Variants in ASH1L observed in about 807,000 individuals in gnomAD.
ASH1L encodes the protein histone-lysine N-methyltransferase ASH1L.
ASH1L carries 23 observed loss-of-function variants against 269.0 expected under a neutral mutation model. That is an observed-to-expected ratio of 0.09 (90% CI 0.06 to 0.12). ASH1L has a LOEUF of 0.12. Ranked by LOEUF, ASH1L falls within the 10% of genes least tolerant of loss-of-function variation. The pLI, the probability that ASH1L is intolerant of heterozygous loss-of-function variation, is 1.00. For missense variants in ASH1L, 2,912 were observed against 3,567.8 expected (o/e 0.82, Z 4.68); for synonymous variants, 1,187 against 1,253.5 (o/e 0.95, Z 1.12).
At chr1:155,344,745 A>G (rs1653100416) in intron 21 of ASH1L, among the ~76,000 whole-genome samples, 1 of 152,178 alleles carries the variant, frequency 6.6e-6, no homozygotes, top group Non-Finnish European at 1.5e-5. Flanking sequence ...ACATATAAAG[A>G]TAGCAGAGCC....
chr1:155,530,089 AT>A (rs1464868013), intron 1 of ASH1L, among the ~76,000 whole-genome samples: 1 of 152,134 alleles, frequency 6.6e-6, no homozygotes, highest in African/African-American at 2.4e-5. Context: ...CTTTCCCCAG[AT>A]AATTGCATAT....
Position 155,344,248 on chromosome 1 carries a change from T to C in ASH1L, c.7916A>G (p.His2639Arg). 2 of 1,614,086 alleles carry C rather than the reference T, an allele frequency of 1.2e-6. No homozygotes were observed. The highest frequency in any genetic ancestry group is 1.1e-5 in the South Asian group (1 of 91,078). Residue 2639 changes from histidine (H) to arginine (R), a missense_variant, in exon 22 of 28, where the codon CAC becomes CGC. By Grantham distance (29) the His-to-Arg change is conservative. Around this residue, in one of 13 missense-constraint regions of ASH1L, gnomAD observed 179 missense variants for 293.8 expected, o/e 0.61. Coordinates refer to ENST00000392403, the MANE Select transcript of ASH1L (RefSeq NM_018489.3). ...DREVPMIPRP[H>R]YAQPGCVYFI... ...GTAGACACAGCCAGGTTGGGCATAG[T>C]GGGGCCGAGGGATCATGGGAACCTC...
At chr1:155,345,407 ACTC>A (rs1653189594) in intron 21 of ASH1L, among the ~76,000 whole-genome samples, 1 of 145,482 alleles carries the variant, frequency 6.9e-6, no homozygotes, top group African/African-American at 2.5e-5. Flanking sequence ...CTGGTCTTGA[ACTC>A]CTAACCCCAT....
intron 12 of ASH1L, among the ~76,000 whole-genome samples, chr1:155,360,966 C>T (rs550494927): frequency 3.3e-5 from 5 of 152,090 alleles, no homozygotes; most frequent in South Asian, 4.1e-4. Flanking sequence ...CCAGACCAGG[C>T]GCCGTAGCTC....
chr1:155,439,246 T>G (rs1662351074), intron 4 of ASH1L, among the ~76,000 whole-genome samples, 178 bp from the exon 5 acceptor site: 1 of 152,192 alleles, frequency 6.6e-6, no homozygotes, highest in Non-Finnish European at 1.5e-5. Context: ...AAACCAAAGT[T>G]GGCCTATATT....
At chr1:155,506,203 G>A (rs543170610) in intron 2 of ASH1L, among the ~76,000 whole-genome samples, 1 of 152,180 alleles carries the variant, frequency 6.6e-6, no homozygotes, top group Non-Finnish European at 1.5e-5. Context: ...ATTCCTTGGT[G>A]TATATGTTAA....
chr1:155,378,505 G>A lies in ASH1L; in HGVS notation c.6221C>T (p.Ser2074Leu). ...AAAATAGCTCCTAAGTTACTCACTT[G>A]AACGAATTTTCTTATATAGTGGGAC... The part of the protein sequence containing the change: ...PDVPLYKKIR[S>L]NVYVDVKPLS... Residue 2074 changes from serine (S) to leucine (L), a missense_variant and splice_region_variant, in exon 9 of 28, where the codon TCA becomes TTA. By Grantham distance (145) the Ser-to-Leu change is moderately radical (BLOSUM62 -2). Coordinates refer to ENST00000392403, the MANE Select transcript of ASH1L (RefSeq NM_018489.3). 1 of 1,613,526 alleles carries A rather than the reference G, an allele frequency of 6.2e-7. No individual in the cohort carries two copies. The highest frequency in any genetic ancestry group is 8.5e-7 in the Non-Finnish European group (1 of 1,179,760).
chr1:155,369,977 C>T (rs568464210), intron 12 of ASH1L, among the ~76,000 whole-genome samples: 50 of 152,302 alleles, frequency 3.3e-4, no homozygotes, highest in Non-Finnish European at 6.9e-4. Flanking sequence ...CCATGTTGGT[C>T]AGGCTGGTCT....
intron 15 of ASH1L, among the ~76,000 whole-genome samples, chr1:155,355,111 A>G (rs2148361973): frequency 6.6e-6 from 1 of 152,306 alleles, no homozygotes; most frequent in Admixed American, 6.5e-5. Flanking sequence ...GCTGGAGTAC[A>G]GTGGCATGAT....
chr1:155,346,607 T>TCTGATC, intron 20 of ASH1L, 138 bp from the exon 21 acceptor site: 1 of 692,762 alleles, frequency 1.4e-6, no homozygotes, highest in Non-Finnish European at 2.5e-6. Context: ...GAATGATAAA[T>TCTGATC]TAGAGATAAA....
At chr1:155,526,504 A>G (rs551936980) in intron 1 of ASH1L, among the ~76,000 whole-genome samples, 1 of 152,278 alleles carries the variant, frequency 6.6e-6, no homozygotes, top group South Asian at 2.1e-4. Context: ...CAATGATCTC[A>G]TTTTATATTC....
chr1:155,394,072 T>C (rs1055894527), intron 7 of ASH1L, among the ~76,000 whole-genome samples: 12 of 152,084 alleles, frequency 7.9e-5, no homozygotes, highest in Admixed American at 5.2e-4. Flanking sequence ...ATCAGGAAAA[T>C]TATTTTAAAG....
chr1:155,498,720 C>T (rs1667314473), intron 2 of ASH1L, among the ~76,000 whole-genome samples: 3 of 151,994 alleles, frequency 2.0e-5, no homozygotes, highest in African/African-American at 7.2e-5. Context: ...GGATTACAGG[C>T]ATAAGCCACT....
intron 12 of ASH1L, among the ~76,000 whole-genome samples, chr1:155,365,020 T>C (rs1332695728): frequency 6.6e-6 from 1 of 152,138 alleles, no homozygotes; most frequent in East Asian, 1.9e-4. Flanking sequence ...CTTTATTCTA[T>C]GGACTCACCT....
intron 5 of ASH1L, among the ~76,000 whole-genome samples, chr1:155,418,808 G>C (rs546231937): frequency 6.6e-6 from 1 of 152,154 alleles, no homozygotes; most frequent in East Asian, 1.9e-4. Flanking sequence ...AGTGGCTCAC[G>C]CCTGTAATCC....
intron 8 of ASH1L, among the ~76,000 whole-genome samples, chr1:155,379,327 A>C (rs1188898691): frequency 1.3e-5 from 2 of 152,224 alleles, no homozygotes; most frequent in Non-Finnish European, 2.9e-5. Flanking sequence ...AAGAGAGGCC[A>C]TTGGAGAAGA....
intron 3 of ASH1L, among the ~76,000 whole-genome samples, chr1:155,464,871 G>GT (rs1296988793): frequency 6.6e-6 from 1 of 152,062 alleles, no homozygotes; most frequent in Non-Finnish European, 1.5e-5. Flanking sequence ...CAGCAAAACT[G>GT]TAAGATGAAA....
chr1:155,443,182 T>C (rs1210612479), intron 4 of ASH1L, among the ~76,000 whole-genome samples: 1 of 152,224 alleles, frequency 6.6e-6, no homozygotes, highest in Non-Finnish European at 1.5e-5. Context: ...TTATCTCCTC[T>C]ATCCCTTCAT....
Position 155,478,446 on chromosome 1 carries a change from T to C in ASH1L, c.4424A>G (p.Tyr1475Cys), listed in dbSNP as rs770395391. The change falls in exon 3 of 28, where the codon TAT (tyrosine) becomes TGT (cysteine). Residue 1475 changes from tyrosine to cysteine, a missense_variant. This residue lies in a region of ASH1L where 789 missense variants were observed against 897.6 expected (regional missense o/e 0.88). Coordinates refer to ENST00000392403, the MANE Select transcript of ASH1L (RefSeq NM_018489.3). This position sits in a 1 kb window ranked among gnomAD's most constrained non-coding sequence, Gnocchi z 4.6. ...GTGTTTGTGCTCAACCATCCAACCATAGGCCATCTCAGGAGGAACACTGGG... is the reference window on the plus strand; with the variant it reads ...GTGTTTGTGCTCAACCATCCAACCACAGGCCATCTCAGGAGGAACACTGGG... Reference protein sequence around the residue: ...TYPSVPPEMAYGWMVEHKHRH... With the variant: ...TYPSVPPEMACGWMVEHKHRH... 8.1e-6 allele frequency: 13 copies of C among 1,614,082 alleles called. No homozygotes were observed. The highest frequency in any genetic ancestry group is 1.1e-5 in the South Asian group (1 of 91,070).
Sources: allele counts gnomAD v4.1 joint callset (sites outside exome capture counted in the v4.1 genomes callset), GRCh38; gene constraint gnomAD v4.1.1; regional missense constraint gnomAD v4.1.1; non-coding constraint Gnocchi (gnomAD v3.1); transcripts MANE v1.5; gene names NCBI Gene and HGNC (gene_info 2026-07-23, HGNC 2026-07-21).